CDH19: variants seen among roughly 807,000 people sequenced by gnomAD.
The protein encoded by CDH19 is cadherin 19.
CDH19 carries 67 observed loss-of-function variants against 64.2 expected under a neutral mutation model. The observed-to-expected ratio is 1.04, with a 90% CI of 0.86 to 1.28. The LOEUF (loss-of-function observed/expected upper bound fraction) is 1.28, where lower values mean the gene tolerates loss of function less well. Among genes scored for constraint, CDH19 ranks in the 50% most tolerant of loss-of-function variants. The probability of loss-of-function intolerance (pLI) is 0.00; values close to 1 mark genes in which losing one functional copy is unlikely to be tolerated. For synonymous variants in CDH19, 346 were observed against 319.3 expected, an observed-to-expected ratio of 1.08 and a Z score of -0.89; for missense variants, 1,030 against 929.0, an observed-to-expected ratio of 1.11 and a Z score of -1.41.
chr18:66,518,843 A>T (rs1985853086), intron 9 of CDH19, among the ~76,000 whole-genome samples: 1 of 150,444 alleles, frequency 6.6e-6, no homozygotes, highest in Non-Finnish European at 1.5e-5. Flanking sequence ...ACATTATTTC[A>T]TTTTATTTCA....
chr18:66,554,011 G>A (rs1987427290), intron 4 of CDH19, among the ~76,000 whole-genome samples: 1 of 88,714 alleles, frequency 1.1e-5, no homozygotes, highest in Admixed American at 1.1e-4. Context: ...TTTCATTGTG[G>A]TTTTAGTTTG....
At chr18:66,520,831 G>A (rs1008194742) in intron 9 of CDH19, among the ~76,000 whole-genome samples, 2 of 151,944 alleles carry the variant, frequency 1.3e-5, no homozygotes, top group South Asian at 2.1e-4. Flanking sequence ...ACAAGAAAAC[G>A]TTGCTCCTGT....
chr18:66,567,238 T>A (rs1475969301), intron 3 of CDH19, among the ~76,000 whole-genome samples: 1 of 151,394 alleles, frequency 6.6e-6, no homozygotes, highest in Admixed American at 6.6e-5. Flanking sequence ...TCATAATATA[T>A]GCAAGAAGAA....
intron 9 of CDH19, among the ~76,000 whole-genome samples, chr18:66,514,284 C>T (rs993890480): frequency 1.3e-4 from 20 of 150,760 alleles, no homozygotes; most frequent in African/African-American, 1.9e-4. Flanking sequence ...AAAATGATAC[C>T]GTAAAAGACA....
At chr18:66,551,775 T>G (rs1258975461) in intron 4 of CDH19, among the ~76,000 whole-genome samples, 1 of 152,016 alleles carries the variant, frequency 6.6e-6, no homozygotes, top group Non-Finnish European at 1.5e-5. Flanking sequence ...ATATAATATA[T>G]TCAAACTCAA....
intron 9 of CDH19, among the ~76,000 whole-genome samples, chr18:66,521,705 A>T (rs79967857): frequency 5.2e-5 from 7 of 135,624 alleles, no homozygotes; most frequent in Admixed American, 2.2e-4. Context: ...CCAGCTAATT[A>T]AAAAAAAAAA....
At chr18:66,514,776 T>A (rs1985660997) in intron 9 of CDH19, among the ~76,000 whole-genome samples, 1 of 151,574 alleles carries the variant, frequency 6.6e-6, no homozygotes, top group Non-Finnish European at 1.5e-5. Flanking sequence ...TACTAAGATA[T>A]CATTCCAGAT....
Position 66,554,440 on chromosome 18 carries a change from TGAA to T in CDH19, c.572_574del (p.Leu191del). 6.2e-7 allele frequency: 1 copy of T among 1,612,050 alleles called. No individual in the cohort carries two copies. The highest frequency in any genetic ancestry group is 1.7e-4 in the Middle Eastern group (1 of 6,050). ...TTCAACAGAAAAATATGGCTGGCCT[TGAA>T]GTAAGCTGTAGAGGAGACGAGCATT... On this transcript the variant is annotated inframe_deletion, in exon 4 of 12. Transcript: ENST00000262150.
chr18:66,505,378 C>T (rs939649352), intron 11 of CDH19, 76 bp from the exon 12 acceptor site: 1 of 1,179,788 alleles, frequency 8.5e-7, no homozygotes, highest in African/African-American at 1.5e-5. Flanking sequence ...GCTCTCATTT[C>T]AAGCTCAAGA....
At chr18:66,594,546 C>A (rs1363653056) in intron 1 of CDH19, among the ~76,000 whole-genome samples, 2 of 151,770 alleles carry the variant, frequency 1.3e-5, no homozygotes, top group Non-Finnish European at 2.9e-5. Flanking sequence ...TCAAAAAGCC[C>A]AAAGTCATAC....
At chr18:66,554,352 C>T in intron 4 of CDH19, 53 bp downstream of exon 4, 1 of 1,590,068 alleles carries the variant, frequency 6.3e-7, no homozygotes, top group Non-Finnish European at 8.6e-7. Flanking sequence ...TTTTTGCTGA[C>T]AATTGCCTTC....
At chr18:66,532,489 TACAC>T (rs34280650) in intron 8 of CDH19, 120 of 146,640 alleles carry the variant, frequency 8.2e-4, no homozygotes, top group South Asian at 4.1e-3. Flanking sequence ...AGAGCATTCA[TACAC>T]ACACACACAC....
chr18:66,579,603 T>C (rs140604005), intron 1 of CDH19, among the ~76,000 whole-genome samples: 1 of 152,002 alleles, frequency 6.6e-6, no homozygotes, highest in Non-Finnish European at 1.5e-5. Context: ...TTATTTGACA[T>C]GTCAAAAAAA....
In CDH19 at chr18:66,501,373, T is replaced by G. The variant is rs1984932088; in HGVS notation, c.*3439A>C. On this transcript the variant is annotated 3_prime_UTR_variant, in exon 12 of 12. Coordinates refer to ENST00000262150, the MANE Select transcript of CDH19 (RefSeq NM_021153.4). The stretch of plus-strand genomic sequence containing the variant: ...CAAAGCAAGACAAAGCCAGGGTCAC[T>G]GGAAGCAGCAGTGGTCTTTCTGAGG... 6.6e-6 allele frequency: 1 copy of G among 152,204 alleles called. No individual in the cohort carries two copies. The highest frequency in any genetic ancestry group is 2.4e-5 in the African/African-American group (1 of 41,452). 9.4% of individuals were successfully genotyped at this position (152,204 alleles called of 1,614,324 possible). A position where few individuals can be genotyped will look rare whatever the true frequency, so the allele number is the denominator to read the frequency against.
chr18:66,573,425 G>A (rs1225097507), intron 1 of CDH19, among the ~76,000 whole-genome samples: 1 of 151,518 alleles, frequency 6.6e-6, no homozygotes, highest in African/African-American at 2.4e-5. Flanking sequence ...TGTGGTCCCG[G>A]TATACTCCCT....
chr18:66,529,225 C>T lies in CDH19; in HGVS notation c.1458+620G>A, dbSNP rs1198391140. Among the ~76,000 whole-genome samples the T allele has an allele frequency of 3.0e-4, 46 of 151,498 alleles. 1 individual carries two copies. Among genetic ancestry groups the T allele is most frequent in the Admixed American group, 3.0e-3 (46 of 15,200 alleles). On this transcript the variant is annotated intron_variant, in intron 9 of 11. Coordinates refer to ENST00000262150, the MANE Select transcript of CDH19 (RefSeq NM_021153.4). ...ACAAAACTCAGTTTTATTTGTGTTG[C>T]TATACCTGGTATAGCAATTAAACGC...
chr18:66,579,603 T>G lies in CDH19; in HGVS notation c.-112-7287A>C, dbSNP rs140604005. 3.2e-4 allele frequency among the ~76,000 whole-genome samples: 49 copies of G among 152,120 alleles called. No homozygotes were observed. In the East Asian group the frequency reaches 8.7e-3, roughly 27 times the overall value. ...CAAAATTGATCTAGTTTATTTGACA[T>G]GTCAAAAAAAGCAGGAGTATAGGAA... On this transcript the variant is annotated intron_variant, in intron 1 of 11. Transcript: ENST00000262150.
intron 5 of CDH19, among the ~76,000 whole-genome samples, chr18:66,548,209 G>C (rs943537718): frequency 6.9e-6 from 1 of 145,816 alleles, no homozygotes; most frequent in African/African-American, 2.5e-5. Context: ...ACTTAACTGA[G>C]CTCCTGATTC....
intron 1 of CDH19, among the ~76,000 whole-genome samples, chr18:66,600,253 C>G (rs1399956205): frequency 6.6e-6 from 1 of 151,792 alleles, no homozygotes; most frequent in Admixed American, 6.6e-5. Flanking sequence ...CTAGAATATG[C>G]TGTTGAAAGG....
Sources: allele counts gnomAD v4.1 joint callset (sites outside exome capture counted in the v4.1 genomes callset), GRCh38; gene constraint gnomAD v4.1.1; transcripts MANE v1.5; gene names NCBI Gene and HGNC (gene_info 2026-07-23, HGNC 2026-07-21).